Variants in CDK13 observed in about 807,000 individuals in gnomAD.
The protein encoded by CDK13 is cyclin-dependent kinase 13.
CDK13 carries 40 observed loss-of-function variants against 137.6 expected under a neutral mutation model. The observed-to-expected ratio is 0.29, with a 90% CI of 0.23 to 0.38. CDK13 has a LOEUF of 0.38. Among genes scored for constraint, CDK13 ranks in the 10% least tolerant of loss-of-function variants. CDK13 has a pLI of 1.00. For missense variants in CDK13, 1,704 were observed against 1,951.8 expected (o/e 0.87, Z 2.39); for synonymous variants, 869 against 760.1 (o/e 1.14, Z -2.36).
intron 7 of CDK13, chr7:40,048,862 G>GT (rs1395432451): frequency 1.3e-5 from 2 of 151,286 alleles, no homozygotes; most frequent in Non-Finnish European, 2.9e-5. Flanking sequence ...AGGTTTATAA[G>GT]TGATATGTTT....
At chr7:39,960,733 C>T (rs1053567547) in intron 1 of CDK13, among the ~76,000 whole-genome samples, 1 of 151,720 alleles carries the variant, frequency 6.6e-6, no homozygotes, top group Admixed American at 6.6e-5. Context: ...TGCCACCATG[C>T]CTGGCTAATT....
intron 1 of CDK13, among the ~76,000 whole-genome samples, chr7:39,953,612 C>T (rs1045657453): frequency 1.3e-5 from 2 of 152,112 alleles, no homozygotes; most frequent in Non-Finnish European, 2.9e-5. Flanking sequence ...TATTGTATGC[C>T]ATATACTGTT....
intron 5 of CDK13, among the ~76,000 whole-genome samples, chr7:40,032,380 A>C (rs1332706282): frequency 6.6e-6 from 1 of 152,144 alleles, no homozygotes; most frequent in Non-Finnish European, 1.5e-5. Context: ...CAAAGAGCAG[A>C]AGTTTTAAAT....
At chr7:40,004,039 C>G (rs1156440323) in intron 5 of CDK13, among the ~76,000 whole-genome samples, 2 of 152,172 alleles carry the variant, frequency 1.3e-5, no homozygotes, top group African/African-American at 4.8e-5. Flanking sequence ...GTTTTCTTCA[C>G]TGTTGTGCCT....
At position 39,987,814 on chromosome 7, in the gene CDK13, C is replaced by G; in HGVS notation, c.1427C>G (p.Ala476Gly). The G allele has an allele frequency of 1.2e-6, 2 of 1,613,988 alleles. No homozygotes were observed. Among genetic ancestry groups the G allele is most frequent in the Non-Finnish European group, 1.7e-6 (2 of 1,179,994 alleles). The change falls in exon 2 of 14, where the codon GCA becomes GGA. Residue 476 changes from alanine (A) to glycine (G), a missense_variant. Transcript: ENST00000181839. ...GCAGAAGCAGCGAAAGCTGCAGAAG[C>G]AACTAAGGCTGCTGAGGCTGCTGCC... Reference protein sequence around the residue: ...RAAEAAKAAEATKAAEAAAKA... With the variant: ...RAAEAAKAAEGTKAAEAAAKA...
At position 39,950,264 on chromosome 7, in the gene CDK13, G is replaced by T; in HGVS notation, c.-378G>T. 1 of 1,042,726 alleles carries T rather than the reference G, an allele frequency of 9.6e-7. No individual in the cohort carries two copies. The highest frequency in any genetic ancestry group is 1.2e-6 in the Non-Finnish European group (1 of 867,664). 64.6% of individuals were successfully genotyped at this position (1,042,726 alleles called of 1,614,324 possible). Reference sequence around the variant, plus strand: ...GCGGCGACGAAGGTGGTACTTCCGCGTTGCGCTGCCCGAGCCGAGAGCGCG... The same window carrying T: ...GCGGCGACGAAGGTGGTACTTCCGCTTTGCGCTGCCCGAGCCGAGAGCGCG... On this transcript the variant is annotated 5_prime_UTR_variant, in exon 1 of 14. Coordinates refer to ENST00000181839, the MANE Select transcript of CDK13 (RefSeq NM_003718.5).
chr7:40,077,782 G>T (rs1394798217), intron 9 of CDK13, among the ~76,000 whole-genome samples: 2 of 152,158 alleles, frequency 1.3e-5, no homozygotes, highest in African/African-American at 4.8e-5. Context: ...CTTGAACCCA[G>T]GAGGCAGAGA....
intron 5 of CDK13, among the ~76,000 whole-genome samples, chr7:40,024,563 C>T (rs1171149055): frequency 1.3e-5 from 2 of 150,148 alleles, no homozygotes; most frequent in Admixed American, 6.6e-5. Context: ...TTGGCTTTCT[C>T]TCTCTCTGGC....
Position 40,088,293 on chromosome 7 carries a change from C to T in CDK13, c.3197C>T (p.Ser1066Leu). The part of the protein sequence containing the change: ...TNTPQGVLPS[S>L]QLKSQGSSNV... ...ACACCCCAGGGTGTGCTGCCATCTT[C>T]ACAGCTGAAATCTCAGGGCAGCTCA... The change falls in exon 12 of 14, where the codon TCA becomes TTA. Residue 1066 changes from serine (S) to leucine (L), a missense_variant. Transcript: ENST00000181839. 3.1e-6 allele frequency: 5 copies of T among 1,613,414 alleles called. No individual in the cohort carries two copies. Among genetic ancestry groups the T allele is most frequent in the Non-Finnish European group, 4.2e-6 (5 of 1,179,394 alleles).
intron 9 of CDK13, chr7:40,066,983 C>T (rs1404115068): frequency 1.3e-5 from 2 of 151,176 alleles, no homozygotes; most frequent in Non-Finnish European, 2.9e-5. Context: ...CCAGCCAACT[C>T]TTGGTCCTGA....
intron 11 of CDK13, among the ~76,000 whole-genome samples, chr7:40,087,644 G>T (rs1280601302): frequency 1.3e-5 from 2 of 149,576 alleles, no homozygotes; most frequent in East Asian, 1.9e-4. Flanking sequence ...CACCTCCCGG[G>T]TTCATGCCAT....
In CDK13 at chr7:40,094,783, G is replaced by A; in HGVS notation, c.4342G>A (p.Glu1448Lys). The change falls in exon 14 of 14, where the codon GAG becomes AAG. Residue 1448 changes from glutamate (E) to lysine (K), a missense_variant. Transcript: ENST00000181839. ...ANSSDPSTGPESTHPLPAKMH... is the reference protein window; with the variant it reads ...ANSSDPSTGPKSTHPLPAKMH... ...CAGCAGTGACCCTTCCACGGGGCCA[G>A]AGAGTACTCATCCTTTGCCAGCAAA... 1 of 1,607,592 alleles carries A rather than the reference G, an allele frequency of 6.2e-7. No individual in the cohort carries two copies. The highest frequency in any genetic ancestry group is 8.5e-7 in the Non-Finnish European group (1 of 1,177,320).
intron 7 of CDK13, among the ~76,000 whole-genome samples, chr7:40,051,433 T>C (rs1297388266): frequency 2.6e-5 from 4 of 152,180 alleles, no homozygotes; most frequent in Non-Finnish European, 5.9e-5. Context: ...TCAAATTTTC[T>C]AGATATTTTT....
intron 1 of CDK13, among the ~76,000 whole-genome samples, chr7:39,981,958 AT>A (rs11359193): frequency 0.46 from 63,988 of 140,094 alleles, 16,197 homozygotes; most frequent in East Asian, 0.62. Context: ...CGCCCGGCTA[AT>A]TTTTTTTTTT....
rs1337750889 is a variant in CDK13 at position 40,024,643 on chromosome 7, G to GTGTTT, written c.2354-21191_2354-21187dup. 3.3e-4 allele frequency among the ~76,000 whole-genome samples: 31 copies of GTGTTT among 93,320 alleles called. 5 individuals are homozygous for GTGTTT. Among genetic ancestry groups the GTGTTT allele is most frequent in the Admixed American group, 4.2e-4 (3 of 7,072 alleles). The allele number at this position is 93,320 out of a possible 152,430, so 61.2% of individuals were successfully genotyped here. On this transcript the variant is annotated intron_variant, in intron 5 of 13. Coordinates refer to ENST00000181839, the MANE Select transcript of CDK13 (RefSeq NM_003718.5). ...CTTCTTCCAAGATATCTGTAGCTCT[G>GTGTTT]TGTTTTTTTTTTTTTTTTTTTTTTT... is the stretch of plus-strand genomic sequence containing the variant.
chr7:40,088,628 C>G (rs184468056), intron 12 of CDK13, among the ~76,000 whole-genome samples: 239 of 152,248 alleles, frequency 1.6e-3, no homozygotes, highest in African/African-American at 5.6e-3. Context: ...TGACACTACT[C>G]TCAGTGAGGC....
At chr7:40,056,430 C>A (rs950022393) in intron 7 of CDK13, among the ~76,000 whole-genome samples, 2 of 152,114 alleles carry the variant, frequency 1.3e-5, no homozygotes, top group African/African-American at 2.4e-5. Flanking sequence ...CTGGCTTTAT[C>A]CCCTTTCTCT....
chr7:40,078,708 C>A lies in CDK13; in HGVS notation c.2898-12C>A. 6.9e-7 allele frequency: 1 copy of A among 1,456,740 alleles called. No homozygotes were observed. The highest frequency in any genetic ancestry group is 1.4e-5 in the African/African-American group (1 of 69,806). 90.2% of individuals were successfully genotyped at this position (1,456,740 alleles called of 1,614,324 possible). The stretch of plus-strand genomic sequence containing the variant: ...AAGAACACATCTAACTTTTGTAATC[C>A]TCTCATGCTAGTATTCCTGCAGCTG... On this transcript the variant is annotated splice_polypyrimidine_tract_variant and intron_variant, in intron 10 of 13. Coordinates refer to ENST00000181839, the MANE Select transcript of CDK13 (RefSeq NM_003718.5).
intron 5 of CDK13, among the ~76,000 whole-genome samples, chr7:40,036,624 A>G (rs1209687573): frequency 1.3e-5 from 2 of 152,042 alleles, no homozygotes; most frequent in Non-Finnish European, 2.9e-5. Flanking sequence ...TAGAGGAAAT[A>G]GTATAATGAA....
Sources: allele counts gnomAD v4.1 joint callset (sites outside exome capture counted in the v4.1 genomes callset), GRCh38; gene constraint gnomAD v4.1.1; transcripts MANE v1.5; gene names NCBI Gene and HGNC (gene_info 2026-07-23, HGNC 2026-07-21).